The following COLGALT1 variants were observed in gnomAD, a reference collection of about 807,000 sequenced individuals.
COLGALT1 encodes the protein procollagen galactosyltransferase 1.
In COLGALT1, 43 loss-of-function variants were observed where a neutral mutation model predicts 60.8. The ratio of observed to expected loss-of-function variants is 0.71; its 90% confidence interval spans 0.55 to 0.91. The LOEUF (loss-of-function observed/expected upper bound fraction) is 0.91. Ranked by LOEUF, COLGALT1 falls within the 40% of genes least tolerant of loss-of-function variation. COLGALT1 has a pLI of 0.00. For missense variants in COLGALT1, 845 were observed against 880.0 expected (o/e 0.96, Z 0.50); for synonymous variants, 369 against 374.2 (o/e 0.99, Z 0.16).
chr19:17,576,974 G>A (rs1057441215), intron 6 of COLGALT1: 298 of 586,628 alleles, frequency 5.1e-4, no homozygotes, highest in Non-Finnish European at 1.1e-4. Flanking sequence ...GGGGCGGGGT[G>A]AAGCTGGGGC....
intron 1 of COLGALT1, among the ~76,000 whole-genome samples, chr19:17,556,919 AG>A (rs1254246269): frequency 6.6e-6 from 1 of 152,224 alleles, no homozygotes; most frequent in Non-Finnish European, 1.5e-5. Flanking sequence ...CTCTAAAAAA[AG>A]AAAAAGAAAA....
Position 17,555,800 on chromosome 19 carries a change from GGCCCCGCCGGGC to G in COLGALT1, c.91_102del (p.Pro31_Ala34del). The G allele has an allele frequency of 8.0e-7, 1 of 1,251,030 alleles. No homozygotes were observed. Among genetic ancestry groups the G allele is most frequent in the Admixed American group, 4.1e-5 (1 of 24,172 alleles). 77.5% of individuals were successfully genotyped at this position (1,251,030 alleles called of 1,614,324 possible). A position where few individuals can be genotyped will look rare whatever the true frequency, so the allele number is the denominator to read the frequency against. On this transcript the variant is annotated inframe_deletion, in exon 1 of 12. Coordinates refer to ENST00000252599, the MANE Select transcript of COLGALT1 (RefSeq NM_024656.4). ...TGCTGCTGGCGCCACTGCCGCCGGG[GGCCCCGCCGGGC>G]GCCGACGCCTACTTCCCCGAGGAGC...
At chr19:17,574,951 G>T (rs944514595) in intron 6 of COLGALT1, among the ~76,000 whole-genome samples, 8 of 152,288 alleles carry the variant, frequency 5.3e-5, no homozygotes, top group South Asian at 2.1e-4. Context: ...CAACCTCCTT[G>T]ACTCAAGCGA....
rs772191035 is a variant in COLGALT1, at chr19:17,568,677, G to A, written c.793G>A (p.Asp265Asn). ...CCCTGACTACACCTGGTCCTTTGAC[G>A]ACATCATCGTCTTTGCCTTCTCCTG... ...PHPDYTWSFD[D>N]IIVFAFSCKQ... Residue 265 changes from aspartate to asparagine, a missense_variant, in exon 5 of 12, where the codon GAC becomes AAC. Asp to Asn is a conservative substitution (Grantham distance 23). Coordinates refer to ENST00000252599, the MANE Select transcript of COLGALT1 (RefSeq NM_024656.4). 4.3e-6 allele frequency: 7 copies of A among 1,614,170 alleles called. No homozygotes were observed. Among genetic ancestry groups the A allele is most frequent in the East Asian group, 2.2e-5 (1 of 44,884 alleles).
rs372871690 is a variant in COLGALT1 at position 17,579,542 on chromosome 19, T to A, written c.1327T>A (p.Phe443Ile). 6 of 1,613,944 alleles carry A rather than the reference T, an allele frequency of 3.7e-6. No individual in the cohort carries two copies. Among genetic ancestry groups the A allele is most frequent in the African/African-American group, 2.7e-5 (2 of 74,878 alleles). Residue 443 changes from phenylalanine (F) to isoleucine (I), a missense_variant, in exon 10 of 12, where the codon TTC (phenylalanine) becomes ATC (isoleucine). Transcript: ENST00000252599. ...TGAGGATGACCTGCGTTTTGAGATCTTCTTCAAGAGACGTCTGATGAACCT... is the reference window on the plus strand; with the variant it reads ...TGAGGATGACCTGCGTTTTGAGATCATCTTCAAGAGACGTCTGATGAACCT... ...VFEDDLRFEIFFKRRLMNLMR... is the reference protein window; with the variant it reads ...VFEDDLRFEIIFKRRLMNLMR...
Position 17,559,222 on chromosome 19 carries a change from G to A in COLGALT1, c.261-89G>A, listed in dbSNP as rs561395098. On this transcript the variant is annotated intron_variant, in intron 1 of 11. Transcript: ENST00000252599. ...GGGATACATAGCTGGTGGGAGGCCA[G>A]TTGGGGATGGTGGTCCTTGACTTGC... is the stretch of plus-strand genomic sequence containing the variant. 3 of 872,724 alleles carry A rather than the reference G, an allele frequency of 3.4e-6. No homozygotes were observed. The East Asian group carries it at 8.0e-5, about 23-fold the overall frequency. 54.1% of individuals were successfully genotyped at this position (872,724 alleles called of 1,614,324 possible).
chr19:17,562,124 G>A (rs556039086), intron 3 of COLGALT1, among the ~76,000 whole-genome samples: 17 of 152,128 alleles, frequency 1.1e-4, no homozygotes, highest in Non-Finnish European at 1.9e-4. Flanking sequence ...CAGCTGCCTC[G>A]GCCTCCCAAA....
At chr19:17,557,449 G>A (rs758298502) in intron 1 of COLGALT1, among the ~76,000 whole-genome samples, 17 of 151,192 alleles carry the variant, frequency 1.1e-4, no homozygotes, top group African/African-American at 2.7e-4. Context: ...TTACAGGTGC[G>A]CACCACCATG....
intron 3 of COLGALT1, among the ~76,000 whole-genome samples, 160 bp from the exon 4 acceptor site, chr19:17,567,246 G>T (rs1024128018): frequency 6.6e-6 from 1 of 152,196 alleles, no homozygotes; most frequent in African/African-American, 2.4e-5. Context: ...AGGGGATCCT[G>T]CAGGCCCCCA....
At chr19:17,576,944 A>C in intron 6 of COLGALT1, 1 of 528,550 alleles carries the variant, frequency 1.9e-6, no homozygotes, top group Non-Finnish European at 3.3e-6. Flanking sequence ...GGGTGTGGCC[A>C]GGGCTGAGAG....
At chr19:17,556,132 G>A (rs2076209647) in intron 1 of COLGALT1, among the ~76,000 whole-genome samples, 159 bp downstream of exon 1, 1 of 151,906 alleles carries the variant, frequency 6.6e-6, no homozygotes, top group East Asian at 1.9e-4. Context: ...TTCTACGCAT[G>A]CCCCTGCCCG....
intron 3 of COLGALT1, among the ~76,000 whole-genome samples, chr19:17,561,845 C>T (rs1220181928): frequency 6.6e-6 from 1 of 151,918 alleles, no homozygotes; most frequent in Non-Finnish European, 1.5e-5. Context: ...GTTATTTCAG[C>T]CTTCATACTT....
At chr19:17,567,004 A>G (rs1053002722) in intron 3 of COLGALT1, among the ~76,000 whole-genome samples, 3 of 151,938 alleles carry the variant, frequency 2.0e-5, no homozygotes, top group African/African-American at 7.3e-5. Context: ...AGTCGCAGCT[A>G]CTCGGGAGGC....
chr19:17,559,307 G>A lies in COLGALT1; in HGVS notation c.261-4G>A, dbSNP rs985205198. 7 of 1,550,490 alleles carry A rather than the reference G, an allele frequency of 4.5e-6. No individual in the cohort carries two copies. The highest frequency in any genetic ancestry group is 2.0e-5 in the Admixed American group (1 of 50,948). On this transcript the variant is annotated splice_polypyrimidine_tract_variant and splice_region_variant and intron_variant, in intron 1 of 11. Transcript: ENST00000252599. ...AGTACGCTGCCTGTCCCCTCTCCCT[G>A]CAGGGTGGCTACGGACCACAACATG...
At chr19:17,562,724 T>C (rs757618066) in intron 3 of COLGALT1, among the ~76,000 whole-genome samples, 1 of 150,292 alleles carries the variant, frequency 6.7e-6, no homozygotes, top group African/African-American at 2.4e-5. Context: ...GTATCAGCGA[T>C]TGATGGACAG....
At chr19:17,569,891 C>T (rs911611316) in intron 5 of COLGALT1, among the ~76,000 whole-genome samples, 2 of 98,730 alleles carry the variant, frequency 2.0e-5, no homozygotes, top group African/African-American at 3.9e-5. Flanking sequence ...CCACTAATTA[C>T]TTTTTTTTTT....
rs147034710 is a variant in COLGALT1, at chr19:17,568,636, C to G, written c.752C>G (p.Ala251Gly). ...DLRKAASRNL[A>G]FYPPHPDYTW... is the part of the protein sequence containing the mutation. Reference sequence around the variant, plus strand: ...CGGAAGGCGGCGTCCAGGAACCTGGCCTTCTACCCACCTCACCCTGACTAC... The same window carrying G: ...CGGAAGGCGGCGTCCAGGAACCTGGGCTTCTACCCACCTCACCCTGACTAC... The change falls in exon 5 of 12, where the codon GCC becomes GGC. Residue 251 changes from alanine (A) to glycine (G), a missense_variant. Transcript: ENST00000252599. 39 of 1,614,026 alleles carry G rather than the reference C, an allele frequency of 2.4e-5. No homozygotes were observed. The highest frequency in any genetic ancestry group is 3.3e-5 in the Non-Finnish European group (39 of 1,180,030).
chr19:17,558,539 A>G lies in COLGALT1; in HGVS notation c.261-772A>G, dbSNP rs183101185. On this transcript the variant is annotated intron_variant, in intron 1 of 11. Transcript: ENST00000252599. The stretch of plus-strand genomic sequence containing the variant: ...CTAAAAATGCAAAAATTAGCTGGGC[A>G]TGGTGGTGGGCACCTGTAATCCCAG... Among the ~76,000 whole-genome samples the G allele has an allele frequency of 3.1e-4, 47 of 150,876 alleles. No homozygotes were observed. In the East Asian group the frequency reaches 8.7e-3, roughly 28 times the overall value.
Position 17,567,527 on chromosome 19 carries a change from G to T in COLGALT1, c.611G>T (p.Gly204Val). The change falls in exon 4 of 12, where the codon GGA becomes GTA. Residue 204 changes from glycine (G) to valine (V), a missense_variant. Gly to Val is a moderately radical substitution (Grantham distance 109). Transcript: ENST00000252599. ...GCTGCGTACTCCAACTTCTGGTGTG[G>T]AATGACTTCCCAGGTAGAGTGAGGG... ...SRAAYSNFWC[G>V]MTSQGYYKRT... 1.2e-6 allele frequency: 2 copies of T among 1,613,078 alleles called. No homozygotes were observed. The highest frequency in any genetic ancestry group is 1.7e-6 in the Non-Finnish European group (2 of 1,179,564).
Sources: allele counts gnomAD v4.1 joint callset (sites outside exome capture counted in the v4.1 genomes callset), GRCh38; gene constraint gnomAD v4.1.1; transcripts MANE v1.5; gene names NCBI Gene and HGNC (gene_info 2026-07-23, HGNC 2026-07-21).